The following NRBP1 variants were observed in gnomAD, a reference collection of about 807,000 sequenced individuals.
NRBP1 encodes the protein nuclear receptor-binding protein.
In NRBP1, 10 loss-of-function variants were observed where a neutral mutation model predicts 76.0. That is an observed-to-expected ratio of 0.13 (90% CI 0.08 to 0.22). The LOEUF (loss-of-function observed/expected upper bound fraction) is 0.22. Ranked by LOEUF, NRBP1 falls within the 10% of genes least tolerant of loss-of-function variation. NRBP1 has a pLI of 1.00. For synonymous variants in NRBP1, 235 were observed against 240.2 expected (o/e 0.98, Z 0.20); for missense variants, 344 against 646.0 (o/e 0.53, Z 5.07).
rs374620041 is a variant in NRBP1, at chr2:27,441,005, A to G, written c.1329+65A>G. 1.8e-5 allele frequency: 29 copies of G among 1,610,634 alleles called. No individual in the cohort carries two copies. The East Asian group carries it at 2.5e-4, about 14-fold the overall frequency. On this transcript the variant is annotated intron_variant, in intron 14 of 17. Coordinates refer to ENST00000379852, the MANE Select transcript of NRBP1 (RefSeq NM_013392.4). ...GTGGAAGGGAGAGAGGACATCTCAAATAAGGCTCTATCCTTTAGAGAAAAT... is the reference window on the plus strand; with the variant it reads ...GTGGAAGGGAGAGAGGACATCTCAAGTAAGGCTCTATCCTTTAGAGAAAAT...
chr2:27,430,262 C>G (rs953378419), intron 1 of NRBP1, among the ~76,000 whole-genome samples: 5 of 152,094 alleles, frequency 3.3e-5, no homozygotes, highest in Non-Finnish European at 7.3e-5. Context: ...TTGGTATTTA[C>G]TAGACTGTCT....
chr2:27,431,312 A>G (rs1027033549), intron 1 of NRBP1, among the ~76,000 whole-genome samples: 2 of 152,206 alleles, frequency 1.3e-5, no homozygotes, highest in South Asian at 2.1e-4. Context: ...CTGCCAAAAA[A>G]TAAATAACCT....
intron 7 of NRBP1, 50 bp downstream of exon 7, chr2:27,435,277 C>A: frequency 1.3e-6 from 2 of 1,502,058 alleles, no homozygotes; most frequent in South Asian, 1.1e-5. Flanking sequence ...AATTTGGGAA[C>A]CATGGGGGTA....
intron 7 of NRBP1, chr2:27,435,909 C>T: frequency 1.5e-6 from 1 of 646,920 alleles, no homozygotes; most frequent in South Asian, 1.7e-5. Context: ...GCCTGCTTGC[C>T]CCTTCATAAC....
chr2:27,437,607 C>A (rs563038742), intron 10 of NRBP1, among the ~76,000 whole-genome samples: 1 of 152,114 alleles, frequency 6.6e-6, no homozygotes, highest in Non-Finnish European at 1.5e-5. Context: ...CATGGTGGCT[C>A]ACGCCTGTAA....
intron 1 of NRBP1, among the ~76,000 whole-genome samples, 188 bp downstream of exon 1, chr2:27,428,919 C>A (rs1663982772): frequency 6.6e-6 from 1 of 152,020 alleles, no homozygotes. Context: ...CCCGCAGTCG[C>A]TGCTTAGCCC....
intron 4 of NRBP1, 121 bp downstream of exon 4, chr2:27,434,211 TG>T: frequency 1.2e-6 from 1 of 847,920 alleles, no homozygotes; most frequent in Non-Finnish European, 1.9e-6. Flanking sequence ...TGGAATCAGC[TG>T]CAATGGCGAT....
At chr2:27,437,608 A>G (rs1263171039) in intron 10 of NRBP1, among the ~76,000 whole-genome samples, 1 of 152,182 alleles carries the variant, frequency 6.6e-6, no homozygotes, top group Non-Finnish European at 1.5e-5. Flanking sequence ...ATGGTGGCTC[A>G]CGCCTGTAAT....
intron 6 of NRBP1, 42 bp downstream of exon 6, chr2:27,434,804 G>A (rs1195653435): frequency 2.5e-6 from 4 of 1,587,656 alleles, no homozygotes; most frequent in African/African-American, 1.3e-5. Flanking sequence ...ATTTCCTGAT[G>A]TAGTTACTCC....
chr2:27,434,432 C>A (rs1157429408), intron 4 of NRBP1, 39 bp from the exon 5 acceptor site: 2 of 1,319,036 alleles, frequency 1.5e-6, no homozygotes, highest in Admixed American at 1.8e-5. Flanking sequence ...GGGATCATTT[C>A]TACTATAAGG....
At chr2:27,435,766 C>T (rs1371831074) in intron 7 of NRBP1, 24 of 717,436 alleles carry the variant, frequency 3.3e-5, no homozygotes, top group Non-Finnish European at 2.6e-6. Flanking sequence ...CCCTCTGCCC[C>T]ACTTGGGGCT....
rs933672773 is a variant in NRBP1, at chr2:27,441,563, T to G, written c.1448-4T>G. ...GTACTCACCCCCTCCTGTTTCTTTGTCAGATGAGAATATCCCCGAGTTGGC... is the reference window on the plus strand; with the variant it reads ...GTACTCACCCCCTCCTGTTTCTTTGGCAGATGAGAATATCCCCGAGTTGGC... On this transcript the variant is annotated splice_polypyrimidine_tract_variant and splice_region_variant and intron_variant, in intron 16 of 17. Transcript: ENST00000379852. The G allele has an allele frequency of 8.7e-6, 14 of 1,614,020 alleles. No homozygotes were observed. Among genetic ancestry groups the G allele is most frequent in the Non-Finnish European group, 1.1e-5 (13 of 1,180,014 alleles).
intron 4 of NRBP1, 125 bp downstream of exon 4, chr2:27,434,215 A>C: frequency 1.2e-6 from 1 of 834,692 alleles, no homozygotes; most frequent in South Asian, 1.6e-5. Context: ...ATCAGCTGCA[A>C]TGGCGATAAG....
chr2:27,440,395 C>T lies in NRBP1; in HGVS notation c.1037-8C>T. 6.5e-7 allele frequency: 1 copy of T among 1,548,834 alleles called. No homozygotes were observed. Among genetic ancestry groups the T allele is most frequent in the Non-Finnish European group, 8.9e-7 (1 of 1,120,532 alleles). ...CTTCATAATATCCCACTCCATCATG[C>T]CCTCCAGACATGATCCCAGAGAACG... On this transcript the variant is annotated splice_polypyrimidine_tract_variant and splice_region_variant and intron_variant, in intron 11 of 17. Coordinates refer to ENST00000379852, the MANE Select transcript of NRBP1 (RefSeq NM_013392.4).
At chr2:27,434,638 T>G in intron 5 of NRBP1, 78 bp downstream of exon 5, 1 of 1,594,840 alleles carries the variant, frequency 6.3e-7, no homozygotes, top group Non-Finnish European at 8.6e-7. Flanking sequence ...ATAATGAAGC[T>G]GATCAGGAAG....
intron 1 of NRBP1, among the ~76,000 whole-genome samples, chr2:27,431,117 G>T (rs185202972): frequency 6.6e-6 from 1 of 152,054 alleles, no homozygotes; most frequent in Admixed American, 6.5e-5. Flanking sequence ...TGGCTAACAC[G>T]GTGAAACCCC....
chr2:27,440,753 G>A, intron 13 of NRBP1, 51 bp downstream of exon 13: 3 of 1,614,136 alleles, frequency 1.9e-6, no homozygotes, highest in East Asian at 4.5e-5. Context: ...GCGGGGTTGG[G>A]TATCCTAAGG....
chr2:27,433,207 C>A lies in NRBP1; in HGVS notation c.-20-47C>A, dbSNP rs564402209. The A allele has an allele frequency of 1.1e-4, 152 of 1,362,354 alleles. No individual in the cohort carries two copies. In the African/African-American group the frequency reaches 2.0e-3, roughly 18 times the overall value. 84.4% of individuals were successfully genotyped at this position (1,362,354 alleles called of 1,614,324 possible). ...ATTACTAAATCTTTACAGATGTATC[C>A]TGACTTTCTCTGCCTTTTCCCTCTG... On this transcript the variant is annotated intron_variant, in intron 1 of 17. Transcript: ENST00000379852.
intron 1 of NRBP1, among the ~76,000 whole-genome samples, chr2:27,431,389 G>A (rs1170610068): frequency 2.6e-5 from 4 of 152,174 alleles, no homozygotes; most frequent in Non-Finnish European, 4.4e-5. Flanking sequence ...TGAAATGAAA[G>A]CTGGAAGCTT....
Sources: gnomAD v4.1 joint callset for allele counts (sites outside exome capture counted in the v4.1 genomes callset) on GRCh38, gnomAD v4.1.1 for gene constraint, MANE v1.5 for transcripts, NCBI Gene and HGNC (gene_info 2026-07-23, HGNC 2026-07-21) for gene names.